DYNC2H1: variants seen among roughly 807,000 people sequenced by gnomAD.
The protein encoded by DYNC2H1 is dynein cytoplasmic 2 heavy chain 1, also known as cytoplasmic dynein 2 heavy chain 1.
A neutral mutation model predicts 570.0 loss-of-function variants in DYNC2H1; 410 were observed. The ratio of observed to expected loss-of-function variants is 0.72; its 90% CI spans 0.66 to 0.78. DYNC2H1 has a LOEUF of 0.78. Among genes scored for constraint, DYNC2H1 ranks in the 30% least tolerant of loss-of-function variants. The pLI is 0.00. For synonymous variants in DYNC2H1, 1,688 were observed against 1,677.6 expected (o/e 1.01, Z -0.15); for missense variants, 4,865 against 5,046.4 (o/e 0.96, Z 1.09).
chr11:103,251,067 G>A (rs1345631090), intron 65 of DYNC2H1, among the ~76,000 whole-genome samples: 1 of 151,894 alleles, frequency 6.6e-6, no homozygotes, highest in Non-Finnish European at 1.5e-5. Context: ...TAATTGTGAT[G>A]TTCAAATCTA....
At position 103,243,719 on chromosome 11, in the gene DYNC2H1, T is replaced by A. The variant is rs886047572; in HGVS notation, c.9846T>A (p.Asp3282Glu). 6.2e-7 allele frequency: 1 copy of A among 1,606,118 alleles called. No individual in the cohort carries two copies. Among genetic ancestry groups the A allele is most frequent in the Non-Finnish European group, 8.5e-7 (1 of 1,175,760 alleles). ...LQSRVCPFLI[D>E]PSSQATEWLK... ...GTCGAGTGTGCCCATTTCTTATAGA[T>A]CCTTCTTCCCAAGCTACAGAGTGGT... is the stretch of plus-strand genomic sequence containing the variant. The change falls in exon 64 of 89, where the codon GAT becomes GAA. Residue 3282 changes from aspartate (D) to glutamate (E), a missense_variant. Physicochemically the swap from Asp to Glu is conservative, Grantham distance 45. Coordinates refer to ENST00000375735, the MANE Select transcript of DYNC2H1 (RefSeq NM_001377.3). The surrounding 1 kb of genome is among the most constrained non-coding windows in gnomAD (Gnocchi z 4.8).
intron 75 of DYNC2H1, chr11:103,287,831 C>A: frequency 4.7e-6 from 2 of 429,488 alleles, no homozygotes; most frequent in Non-Finnish European, 8.2e-6. Context: ...GCTGCCTAGA[C>A]AGAGCTGATT....
chr11:103,425,786 ATAAT>A (rs1352909141), intron 84 of DYNC2H1, among the ~76,000 whole-genome samples: 1 of 151,766 alleles, frequency 6.6e-6, no homozygotes, highest in African/African-American at 2.4e-5. Context: ...AAATCTCAAA[ATAAT>A]TATACATAAC....
chr11:103,359,263 G>T (rs1294718806), intron 83 of DYNC2H1, among the ~76,000 whole-genome samples: 2 of 152,220 alleles, frequency 1.3e-5, no homozygotes, highest in South Asian at 4.1e-4. Flanking sequence ...GATCATTAAT[G>T]AAGTTGCGAG....
chr11:103,136,082 T>C, intron 17 of DYNC2H1, 134 bp downstream of exon 17: 1 of 681,824 alleles, frequency 1.5e-6, no homozygotes, highest in East Asian at 3.1e-5. Flanking sequence ...AGAGCTGGAT[T>C]CGTAGATACT....
intron 83 of DYNC2H1, among the ~76,000 whole-genome samples, chr11:103,397,283 T>C (rs895703664): frequency 3.3e-5 from 5 of 152,056 alleles, no homozygotes; most frequent in African/African-American, 9.7e-5. Context: ...TTCAAAAATA[T>C]ACAATTCAAT....
intron 85 of DYNC2H1, among the ~76,000 whole-genome samples, chr11:103,444,899 G>A (rs1441845451): frequency 6.6e-6 from 1 of 152,160 alleles, no homozygotes; most frequent in Non-Finnish European, 1.5e-5. Flanking sequence ...GTCCATGTAG[G>A]CTTGGTAAGA....
At chr11:103,405,163 A>G (rs1170492431) in intron 84 of DYNC2H1, 1 of 151,914 alleles carries the variant, frequency 6.6e-6, no homozygotes, top group East Asian at 1.9e-4. Flanking sequence ...TGTTGATACA[A>G]GATAGGGTTG....
Position 103,286,402 on chromosome 11 carries a change from ATCT to A in DYNC2H1, c.11022+17_11022+19del, listed in dbSNP as rs1403761186. ...ATTTCAGCAGGTAAAATTTAGTGTTATCTAAATGCAAAAAAGTGTTTAATGTTT... is the reference window on the plus strand; with the variant it reads ...ATTTCAGCAGGTAAAATTTAGTGTTAAAATGCAAAAAAGTGTTTAATGTTT... On this transcript the variant is annotated intron_variant, in intron 74 of 88. Transcript: ENST00000375735. 1.2e-6 allele frequency: 2 copies of A among 1,605,644 alleles called. No homozygotes were observed. The highest frequency in any genetic ancestry group is 1.3e-5 in the African/African-American group (1 of 74,416).
intron 24 of DYNC2H1, among the ~76,000 whole-genome samples, chr11:103,155,015 A>C (rs1860749561): frequency 6.6e-6 from 1 of 152,100 alleles, no homozygotes. Flanking sequence ...ATTTATGTTA[A>C]AGTTAAAAAA....
intron 85 of DYNC2H1, 47 bp from the exon 86 acceptor site, chr11:103,455,130 TTTAATTGAC>T: frequency 3.1e-6 from 4 of 1,300,386 alleles, no homozygotes; most frequent in Non-Finnish European, 4.3e-6. Flanking sequence ...GACTTAAGTC[TTTAATTGAC>T]TTATAAGTGT....
rs1861849594 is a variant in DYNC2H1 at position 103,181,574 on chromosome 11, T to G, written c.6348-183T>G. 6.6e-6 allele frequency among the ~76,000 whole-genome samples: 1 copy of G among 151,618 alleles called. No individual in the cohort carries two copies. The highest frequency in any genetic ancestry group is 1.5e-5 in the Non-Finnish European group (1 of 67,702). On this transcript the variant is annotated intron_variant, in intron 39 of 88. Coordinates refer to ENST00000375735, the MANE Select transcript of DYNC2H1 (RefSeq NM_001377.3). The surrounding 1 kb of genome is among the most constrained non-coding windows in gnomAD (Gnocchi z 5.0). ...TGTTTGTATATATTATGTGTATGTATACACACACACAGATGTAATTGTATT... is the reference window on the plus strand; with the variant it reads ...TGTTTGTATATATTATGTGTATGTAGACACACACACAGATGTAATTGTATT...
At chr11:103,178,845 A>G (rs576860561) in intron 38 of DYNC2H1, among the ~76,000 whole-genome samples, 181 bp from the exon 39 acceptor site, 54 of 152,198 alleles carry the variant, frequency 3.5e-4, no homozygotes, top group African/African-American at 1.1e-3. Context: ...TTATAGATAA[A>G]GTATTATTAC....
At position 103,261,676 on chromosome 11, in the gene DYNC2H1, C is replaced by A. The variant is rs1248128912; in HGVS notation, c.10695+1699C>A. Among the ~76,000 whole-genome samples the A allele has an allele frequency of 6.6e-6, 1 of 152,144 alleles. No homozygotes were observed. The highest frequency in any genetic ancestry group is 2.4e-5 in the African/African-American group (1 of 41,426). ...AACATCAACAAAAAGGACATCTATACAAAAACCCCATCCGAAGGTCACCAA... is the reference window on the plus strand; with the variant it reads ...AACATCAACAAAAAGGACATCTATAAAAAAACCCCATCCGAAGGTCACCAA... On this transcript the variant is annotated intron_variant, in intron 70 of 88. Transcript: ENST00000375735. This position sits in a 1 kb window ranked among gnomAD's most constrained non-coding sequence, Gnocchi z 4.8.
At chr11:103,338,675 A>G (rs59557877) in intron 82 of DYNC2H1, among the ~76,000 whole-genome samples, 33,002 of 152,110 alleles carry the variant, frequency 0.22, 3,717 homozygotes, top group Admixed American at 0.31. Flanking sequence ...TTTATTTTAA[A>G]AATTATATGA....
At chr11:103,135,413 A>G (rs1167454593) in intron 15 of DYNC2H1, 82 bp from the exon 16 acceptor site, 1 of 1,258,048 alleles carries the variant, frequency 7.9e-7, no homozygotes, top group Non-Finnish European at 1.0e-6. Flanking sequence ...ATAATTGTGC[A>G]TTATGTGACA....
In DYNC2H1 at chr11:103,203,761, A is replaced by T. The variant is rs766938080; in HGVS notation, c.8296A>T (p.Asn2766Tyr). The T allele has an allele frequency of 6.2e-7, 1 of 1,607,252 alleles. No individual in the cohort carries two copies. Among genetic ancestry groups the T allele is most frequent in the Admixed American group, 1.7e-5 (1 of 59,546 alleles). The change falls in exon 51 of 89, where the codon AAT becomes TAT. Residue 2766 changes from asparagine to tyrosine, a missense_variant. Physicochemically the swap from Asn to Tyr is moderately radical, Grantham distance 143 (BLOSUM62 -2). Transcript: ENST00000375735. This position sits in a 1 kb window ranked among gnomAD's most constrained non-coding sequence, Gnocchi z 4.7. ...AGATGGTTTTTTTGGACCAGTCTTC[A>T]ATTACTTCACATATAGTAAGTGACA... ...SQDGFFGPVF[N>Y]YFTYRIQQNL...
chr11:103,121,466 T>C lies in DYNC2H1; in HGVS notation c.1455T>C (p.Ser485=). Residue 485 remains serine, a synonymous_variant, in exon 10 of 89, where the codon AGT becomes AGC. Transcript: ENST00000375735. The part of the protein sequence containing the change: ...SGKNLSEVVN[S]IVWVRQLELK... ...AAAATCTTTCAGAAGTTGTCAACAG[T>C]ATAGTTTGGGTTCGCCAGTTGGAAT... The C allele has an allele frequency of 1.2e-6, 2 of 1,613,174 alleles. No individual in the cohort carries two copies. The highest frequency in any genetic ancestry group is 2.2e-5 in the South Asian group (2 of 90,872).
chr11:103,309,478 G>A (rs1867473481), intron 78 of DYNC2H1, among the ~76,000 whole-genome samples: 2 of 150,142 alleles, frequency 1.3e-5, no homozygotes, highest in South Asian at 4.2e-4. Flanking sequence ...TTACAGGCAT[G>A]AGCCATTGTG....
Sources: gnomAD v4.1 joint callset for allele counts (sites outside exome capture counted in the v4.1 genomes callset) on GRCh38, gnomAD v4.1.1 for gene constraint, Gnocchi (gnomAD v3.1) non-coding constraint, MANE v1.5 for transcripts, NCBI Gene and HGNC (gene_info 2026-07-23, HGNC 2026-07-21) for gene names.